FCRL4: variants seen among roughly 807,000 people sequenced by gnomAD.
FCRL4 encodes Fc receptor-like protein 4.
FCRL4 carries 43 observed loss-of-function variants against 64.1 expected under a neutral mutation model. The ratio of observed to expected loss-of-function variants is 0.67; its 90% CI spans 0.53 to 0.87. The LOEUF is 0.87. Among genes scored for constraint, FCRL4 ranks in the 40% least tolerant of loss-of-function variants. The pLI, the probability that FCRL4 is intolerant of heterozygous loss-of-function variation, is 0.00. For missense variants in FCRL4, 656 were observed against 613.5 expected (o/e 1.07, Z -0.73); for synonymous variants, 253 against 239.8 (o/e 1.05, Z -0.51).
Position 157,586,382 on chromosome 1 carries a change from G to A in FCRL4, c.921C>T (p.Val307=). The change falls in exon 6 of 12, where the codon GTC becomes GTT. Residue 307 remains valine (V), a synonymous_variant. Coordinates refer to ENST00000271532, the MANE Select transcript of FCRL4 (RefSeq NM_031282.3). The part of the protein sequence containing the change: ...GGQAVEGEML[V]LVCSVAEGTG... ...TGCCTTCAGCCACGGAGCAGACAAG[G>A]ACCAGCATCTCCCCTTCAACAGCCT... 6.2e-7 allele frequency: 1 copy of A among 1,613,326 alleles called. No homozygotes were observed. The highest frequency in any genetic ancestry group is 8.5e-7 in the Non-Finnish European group (1 of 1,180,000).
intron 8 of FCRL4, among the ~76,000 whole-genome samples, chr1:157,579,874 T>C (rs1652522189): frequency 2.0e-5 from 3 of 152,200 alleles, no homozygotes; most frequent in African/African-American, 7.2e-5. Context: ...ATTTTCCAAA[T>C]GGAAGTTAAG....
intron 5 of FCRL4, 41 bp downstream of exon 5, chr1:157,587,235 C>A: frequency 1.3e-6 from 2 of 1,599,466 alleles, no homozygotes; most frequent in African/African-American, 1.3e-5. Flanking sequence ...GCCCAAGGGG[C>A]AGAGAGAGGC....
chr1:157,597,736 A>T (rs1463845864), intron 1 of FCRL4, among the ~76,000 whole-genome samples, 178 bp downstream of exon 1: 1 of 152,232 alleles, frequency 6.6e-6, no homozygotes, highest in Non-Finnish European at 1.5e-5. Flanking sequence ...ACATCTTTGG[A>T]AATCAATTAT....
chr1:157,581,711 G>T, intron 6 of FCRL4, 67 bp from the exon 7 acceptor site: 1 of 1,267,826 alleles, frequency 7.9e-7, no homozygotes. Context: ...CTTTTCCTCA[G>T]CTTGGTTGGG....
Position 157,589,448 on chromosome 1 carries a change from G to A in FCRL4, c.63C>T (p.His21=). ...APVCGQSAAA[H]KPVISVHPPW... is the part of the protein sequence containing the mutation. ...GAGGATGGACGGAAATCACAGGTTT[G>A]TGTGCAGCTGCTGAGGAGGAAAGAG... The change falls in exon 3 of 12, where the codon CAC becomes CAT. Residue 21 remains histidine, a synonymous_variant. Coordinates refer to ENST00000271532, the MANE Select transcript of FCRL4 (RefSeq NM_031282.3). 6.2e-7 allele frequency: 1 copy of A among 1,613,976 alleles called. No individual in the cohort carries two copies. The highest frequency in any genetic ancestry group is 8.5e-7 in the Non-Finnish European group (1 of 1,179,826).
At chr1:157,587,749 A>G (rs1652735742) in intron 4 of FCRL4, 116 bp downstream of exon 4, 4 of 1,180,752 alleles carry the variant, frequency 3.4e-6, no homozygotes, top group Non-Finnish European at 3.5e-6. Flanking sequence ...CTCTTAGAGG[A>G]TTTGTGCCTC....
intron 2 of FCRL4, among the ~76,000 whole-genome samples, 197 bp downstream of exon 2, chr1:157,596,131 G>A (rs1652957819): frequency 6.6e-6 from 1 of 152,174 alleles, no homozygotes; most frequent in Non-Finnish European, 1.5e-5. Flanking sequence ...CACAATGGCA[G>A]TTTTGGTTTA....
Position 157,574,061 on chromosome 1 carries a change from A to C in FCRL4, c.*1463T>G, listed in dbSNP as rs1476148745. 1 of 211,626 alleles carries C rather than the reference A, an allele frequency of 4.7e-6. No homozygotes were observed. Among genetic ancestry groups the C allele is most frequent in the Admixed American group, 5.9e-5 (1 of 17,006 alleles). The allele number at this position is 211,626 out of a possible 1,614,324, so 13.1% of individuals were successfully genotyped here. A position where few individuals can be genotyped will look rare whatever the true frequency, so the allele number is the denominator to read the frequency against. On this transcript the variant is annotated 3_prime_UTR_variant, in exon 12 of 12. Coordinates refer to ENST00000271532, the MANE Select transcript of FCRL4 (RefSeq NM_031282.3). ...ACATGTGACAAATTCATACACTCAT[A>C]TAATTTGTAAAGATCAAATCAGCGT...
Position 157,578,763 on chromosome 1 carries a change from T to A in FCRL4, c.1360+7A>T. On this transcript the variant is annotated splice_region_variant and intron_variant, in intron 9 of 11. Transcript: ENST00000271532. ...CCAGGAACAGCTTCCTAGAAGGGAA[T>A]CCTCACCATCAACATACAACGACTG... 1 of 1,613,358 alleles carries A rather than the reference T, an allele frequency of 6.2e-7. No individual in the cohort carries two copies. Among genetic ancestry groups the A allele is most frequent in the Non-Finnish European group, 8.5e-7 (1 of 1,179,416 alleles).
intron 6 of FCRL4, among the ~76,000 whole-genome samples, chr1:157,585,828 T>C (rs1346722529): frequency 6.6e-6 from 1 of 152,074 alleles, no homozygotes; most frequent in African/African-American, 2.4e-5. Flanking sequence ...GTTGATACTG[T>C]AGGATGACAC....
chr1:157,576,065 C>T (rs1036076276), intron 10 of FCRL4, among the ~76,000 whole-genome samples: 9 of 152,162 alleles, frequency 5.9e-5, no homozygotes, highest in Non-Finnish European at 8.8e-5. Context: ...ACTGTCATCT[C>T]ACCACCCCCG....
chr1:157,579,362 C>T (rs1487005609), intron 8 of FCRL4, among the ~76,000 whole-genome samples: 1 of 146,684 alleles, frequency 6.8e-6, no homozygotes, highest in Non-Finnish European at 1.5e-5. Context: ...AGAGCCAGAT[C>T]CTGTCTCAAA....
chr1:157,584,717 T>C (rs1252375824), intron 6 of FCRL4, among the ~76,000 whole-genome samples: 1 of 151,698 alleles, frequency 6.6e-6, no homozygotes, highest in African/African-American at 2.4e-5. Flanking sequence ...CTCAAGGGAG[T>C]TGAAGGGAAA....
chr1:157,586,419 G>A lies in FCRL4; in HGVS notation c.884C>T (p.Pro295Leu). 1 of 1,612,036 alleles carries A rather than the reference G, an allele frequency of 6.2e-7. No homozygotes were observed. Among genetic ancestry groups the A allele is most frequent in the South Asian group, 1.1e-5 (1 of 91,040 alleles). Residue 295 changes from proline (P) to leucine (L), a missense_variant, in exon 6 of 12, where the codon CCC becomes CTC. Transcript: ENST00000271532. The part of the protein sequence containing the change: ...PVSGVLLETQ[P>L]SGGQAVEGEM... ...CCCTTCAACAGCCTGGCCCCCTGAG[G>A]GCTGGGTCTCCAGGAGCACCCCAGA...
rs1254163708 is a variant in FCRL4 at position 157,578,514 on chromosome 1, G to T, written c.1389C>A (p.Tyr463Ter). 1 of 1,613,978 alleles carries T rather than the reference G, an allele frequency of 6.2e-7. No individual in the cohort carries two copies. Residue 463 changes from tyrosine to a stop codon, truncating the protein, a stop_gained, in exon 10 of 12, where the codon TAC (tyrosine) becomes TAA (stop). Coordinates refer to ENST00000271532, the MANE Select transcript of FCRL4 (RefSeq NM_031282.3). LOFTEE classifies it high-confidence loss of function. ...CCAGCTGAGTAGTCTGGATCTCAGA[G>T]TATACCAAATCTCCCTTTTTGGGGT... ...DVHPKKGDLV[Y>*]SEIQTTQLGE...
intron 6 of FCRL4, among the ~76,000 whole-genome samples, chr1:157,584,606 G>A (rs1488663490): frequency 2.0e-5 from 3 of 152,004 alleles, no homozygotes; most frequent in Admixed American, 6.6e-5. Context: ...ATTACACCCA[G>A]TGATGTTCCC....
intron 2 of FCRL4, among the ~76,000 whole-genome samples, chr1:157,595,915 G>A (rs1258196971): frequency 1.3e-5 from 2 of 152,198 alleles, no homozygotes; most frequent in Non-Finnish European, 2.9e-5. Context: ...GCAGAAGTTG[G>A]GGATAAATTT....
chr1:157,590,266 A>C (rs1042031339), intron 2 of FCRL4, among the ~76,000 whole-genome samples: 10 of 152,068 alleles, frequency 6.6e-5, no homozygotes, highest in African/African-American at 2.4e-4. Context: ...TTAGAGTTTG[A>C]GTTTTTTTTC....
At chr1:157,581,683 T>C (rs1275414552) in intron 6 of FCRL4, 39 bp from the exon 7 acceptor site, 1 of 1,543,320 alleles carries the variant, frequency 6.5e-7, no homozygotes, top group Admixed American at 1.8e-5. Flanking sequence ...AGTGGAGAGG[T>C]TCAGGGTTTG....
Sources: allele counts gnomAD v4.1 joint callset (sites outside exome capture counted in the v4.1 genomes callset), GRCh38; gene constraint gnomAD v4.1.1; transcripts MANE v1.5; gene names NCBI Gene and HGNC (gene_info 2026-07-23, HGNC 2026-07-21).